Variants in SKIC3 observed in about 807,000 individuals in gnomAD.
The protein encoded by SKIC3 is superkiller complex protein 3.
chr5:95,467,865 C>T, the SKIC3 span: 15 of 1,613,256 alleles, frequency 9.3e-6, no homozygotes, highest in African/African-American at 1.3e-5. Context: ...CAATGCCTTA[C>T]GTCAATAAGC....
the SKIC3 span, chr5:95,543,165 A>C: frequency 6.2e-7 from 1 of 1,613,250 alleles, no homozygotes; most frequent in Non-Finnish European, 8.5e-7. Context: ...TAATACAGAA[A>C]AAAAAAATTT....
At chr5:95,506,810 A>G in the SKIC3 span, 4 of 989,378 alleles carry the variant, frequency 4.0e-6, no homozygotes, top group African/African-American at 1.6e-5. Context: ...GCCTGTTTCT[A>G]TGGAAATTAT....
At chr5:95,465,800 T>A in the SKIC3 span, among the ~76,000 whole-genome samples, 2 of 152,220 alleles carry the variant, frequency 1.3e-5, no homozygotes, top group Non-Finnish European at 2.9e-5. Context: ...CAGGAATATC[T>A]ACCCTTTGTT....
chr5:95,527,137 T>C, the SKIC3 span, among the ~76,000 whole-genome samples: 2 of 152,220 alleles, frequency 1.3e-5, no homozygotes, highest in African/African-American at 4.8e-5. Flanking sequence ...TCTTGAGCCC[T>C]TTTGTAGTCT....
At chr5:95,486,591 C>T in the SKIC3 span, among the ~76,000 whole-genome samples, 5 of 152,330 alleles carry the variant, frequency 3.3e-5, no homozygotes, top group Admixed American at 3.3e-4. Flanking sequence ...GGACAGTCTA[C>T]CTGGCCTGGC....
the SKIC3 span, chr5:95,464,774 G>A: frequency 1.0e-6 from 1 of 980,462 alleles, no homozygotes; most frequent in Non-Finnish European, 1.6e-6. Context: ...AAGGGCGGCA[G>A]TCTTGAAAAG....
At chr5:95,466,907 CA>C in the SKIC3 span, among the ~76,000 whole-genome samples, 1 of 151,984 alleles carries the variant, frequency 6.6e-6, no homozygotes, top group Non-Finnish European at 1.5e-5. Context: ...AAAAACTGGA[CA>C]AAATATTTTA....
chr5:95,525,703 A>T, the SKIC3 span: 1 of 1,597,032 alleles, frequency 6.3e-7, no homozygotes, highest in African/African-American at 1.3e-5. Context: ...AACTGCTATA[A>T]ATCTCCTTCA....
the SKIC3 span, among the ~76,000 whole-genome samples, chr5:95,469,511 C>A: frequency 6.6e-6 from 1 of 152,170 alleles, no homozygotes; most frequent in Non-Finnish European, 1.5e-5. Context: ...CCAAGACCTT[C>A]TTCACTGGAA....
the SKIC3 span, among the ~76,000 whole-genome samples, chr5:95,476,561 C>G: frequency 6.6e-6 from 1 of 152,042 alleles, no homozygotes; most frequent in Non-Finnish European, 1.5e-5. Flanking sequence ...TTTTCAAGAA[C>G]AAATTGGATT....
the SKIC3 span, among the ~76,000 whole-genome samples, chr5:95,479,657 T>C: frequency 1.3e-5 from 2 of 150,440 alleles, no homozygotes; most frequent in African/African-American, 5.0e-5. Flanking sequence ...GGTATGCATG[T>C]ATGTATAGGA....
At chr5:95,482,304 G>A in the SKIC3 span, among the ~76,000 whole-genome samples, 1 of 152,164 alleles carries the variant, frequency 6.6e-6, no homozygotes, top group Non-Finnish European at 1.5e-5. Flanking sequence ...CAAAACTAGT[G>A]TTAAACTTCC....
At chr5:95,512,256 A>C in the SKIC3 span, among the ~76,000 whole-genome samples, 13 of 152,124 alleles carry the variant, frequency 8.5e-5, no homozygotes, top group African/African-American at 3.1e-4. Context: ...ATAACAAGGA[A>C]ATTACTTTTT....
At chr5:95,536,680 A>G in the SKIC3 span, 8 of 760,254 alleles carry the variant, frequency 1.1e-5, no homozygotes, top group African/African-American at 1.2e-4. Flanking sequence ...AAGACTACAC[A>G]TTATACTTCT....
At chr5:95,492,060 T>A in the SKIC3 span, among the ~76,000 whole-genome samples, 2 of 152,176 alleles carry the variant, frequency 1.3e-5, no homozygotes, top group African/African-American at 4.8e-5. Flanking sequence ...ATTACAAGAA[T>A]CATTAAAATC....
chr5:95,513,536 T>C, the SKIC3 span: 1 of 1,597,910 alleles, frequency 6.3e-7, no homozygotes, highest in East Asian at 2.2e-5. Flanking sequence ...CTTTTCTCAT[T>C]AATGAATCCT....
At chr5:95,541,381 C>T in the SKIC3 span, 1 of 1,613,472 alleles carries the variant, frequency 6.2e-7, no homozygotes, top group South Asian at 1.1e-5. Flanking sequence ...CTTGTCAACA[C>T]TTAGAACAAA....
chr5:95,501,715 T>C, the SKIC3 span, among the ~76,000 whole-genome samples: 1 of 151,940 alleles, frequency 6.6e-6, no homozygotes, highest in Non-Finnish European at 1.5e-5. Flanking sequence ...TATATATATA[T>C]ATTTTTTCCC....
the SKIC3 span, chr5:95,530,152 C>T: frequency 1.2e-4 from 192 of 1,613,670 alleles, 3 homozygotes; most frequent in East Asian, 4.0e-3. Context: ...ATGCCTAAGC[C>T]AATGAGGCCT....
Sources: allele counts gnomAD v4.1 joint callset (sites outside exome capture counted in the v4.1 genomes callset), GRCh38; gene constraint gnomAD v4.1.1; transcripts MANE v1.5; gene names NCBI Gene and HGNC (gene_info 2026-07-23, HGNC 2026-07-21).